The following TIMM23B variants were observed in gnomAD, a reference collection of about 807,000 sequenced individuals.
The protein encoded by TIMM23B is mitochondrial import inner membrane translocase subunit Tim23B.
A neutral mutation model predicts 27.3 loss-of-function variants in TIMM23B; 27 were observed. That is an observed-to-expected ratio of 0.99 (90% CI 0.73 to 1.36). TIMM23B has a LOEUF of 1.36. TIMM23B is among the 40% of genes most tolerant of loss of function. The pLI is 0.00. For synonymous variants in TIMM23B, 73 were observed against 92.4 expected (o/e 0.79, Z 1.21); for missense variants, 205 against 244.2 (o/e 0.84, Z 1.07).
intron 2 of TIMM23B, among the ~76,000 whole-genome samples, chr10:49,946,238 T>G (rs1379933791): frequency 5.6e-4 from 84 of 149,664 alleles, no homozygotes; most frequent in Admixed American, 1.7e-3. Flanking sequence ...GCCTGTTAAA[T>G]GCCATCTACA....
chr10:49,956,284 G>A (rs10909668), intron 5 of TIMM23B, among the ~76,000 whole-genome samples: 1 of 151,944 alleles, frequency 6.6e-6, no homozygotes, highest in Non-Finnish European at 1.5e-5. Flanking sequence ...AAAGTTTAAC[G>A]TTCATTCCAG....
intron 6 of TIMM23B, among the ~76,000 whole-genome samples, chr10:49,961,681 C>G (rs1356661267): frequency 9.2e-5 from 14 of 152,016 alleles, no homozygotes; most frequent in African/African-American, 3.1e-4. Context: ...CTCACTACAG[C>G]CTTGAACTCC....
intron 6 of TIMM23B, among the ~76,000 whole-genome samples, chr10:49,968,726 T>C (rs1253607911): frequency 6.6e-6 from 1 of 151,814 alleles, no homozygotes; most frequent in African/African-American, 2.4e-5. Flanking sequence ...TCCCAGCTAC[T>C]AGGGAGGCTG....
chr10:49,969,436 C>CA (rs533041097), intron 6 of TIMM23B, among the ~76,000 whole-genome samples: 831 of 74,554 alleles, frequency 0.011, 3 homozygotes, highest in East Asian at 0.036. Flanking sequence ...GACCCTGTGT[C>CA]AAAAAAAAAA....
intron 4 of TIMM23B, among the ~76,000 whole-genome samples, chr10:49,953,394 G>A (rs1839606460): frequency 1.3e-5 from 2 of 152,202 alleles, no homozygotes; most frequent in Admixed American, 1.3e-4. Context: ...TGCCCGAGCT[G>A]GAGTGCAATG....
intron 6 of TIMM23B, among the ~76,000 whole-genome samples, chr10:49,960,223 T>C (rs1309601730): frequency 6.6e-5 from 10 of 151,434 alleles, no homozygotes; most frequent in African/African-American, 1.9e-4. Context: ...TTTTTTTTTT[T>C]TTTCTTTTTC....
intron 1 of TIMM23B, among the ~76,000 whole-genome samples, chr10:49,943,563 T>C (rs1839240368): frequency 6.6e-6 from 1 of 151,886 alleles, no homozygotes; most frequent in Non-Finnish European, 1.5e-5. Flanking sequence ...TCTTAGTATT[T>C]CTGAGTTTCA....
chr10:49,946,011 G>A lies in TIMM23B; in HGVS notation c.165+921G>A, dbSNP rs1324144633. On this transcript the variant is annotated intron_variant, in intron 2 of 6. Transcript: ENST00000651259. ...TTGAGACCAGCCTGGCCAACATAGC[G>A]AAACGCTGTTTCTACTAAAAATACA... Among the ~76,000 whole-genome samples, 7 of 152,374 alleles carry A rather than the reference G, an allele frequency of 4.6e-5. No homozygotes were observed. The East Asian group carries it at 7.7e-4, about 17-fold the overall frequency.
Position 49,964,304 on chromosome 10 carries a change from G to A in TIMM23B, c.514+5824G>A, listed in dbSNP as rs183665928. On this transcript the variant is annotated intron_variant, in intron 6 of 6. Coordinates refer to ENST00000651259, the MANE Select transcript of TIMM23B (RefSeq NM_001290117.2). ...AGCCTGGGCAATAGAGCGCGTCTCCGTCTTGAAATGAAATGAAATAAATGA... is the reference window on the plus strand; with the variant it reads ...AGCCTGGGCAATAGAGCGCGTCTCCATCTTGAAATGAAATGAAATAAATGA... Among the ~76,000 whole-genome samples, 52 of 151,858 alleles carry A rather than the reference G, an allele frequency of 3.4e-4. No individual in the cohort carries two copies. The South Asian group carries it at 6.9e-3, about 20-fold the overall frequency.
At chr10:49,956,669 A>G (rs1839737042) in intron 5 of TIMM23B, among the ~76,000 whole-genome samples, 2 of 145,952 alleles carry the variant, frequency 1.4e-5, no homozygotes, top group Admixed American at 1.4e-4. Context: ...ATTAGTGAAA[A>G]TGATTCTTCT....
rs1190679834 is a variant in TIMM23B at position 49,955,016 on chromosome 10, T to G, written c.359T>G (p.Val120Gly). Residue 120 changes from valine to glycine, a missense_variant, in exon 5 of 7, where the codon GTG (valine) becomes GGG (glycine). Transcript: ENST00000651259. The part of the protein sequence containing the change: ...KPGNVQILNM[V>G]TRQGALWANT... The stretch of plus-strand genomic sequence containing the variant: ...TGCCCTGATAGGATTTTGAATATGG[T>G]GACTAGGCAAGGGGCACTTTGGGCT... 6.2e-7 allele frequency: 1 copy of G among 1,612,862 alleles called. No individual in the cohort carries two copies. Among genetic ancestry groups the G allele is most frequent in the Non-Finnish European group, 8.5e-7 (1 of 1,179,148 alleles).
In TIMM23B at chr10:49,955,075, C is replaced by T. The variant is rs1410194545; in HGVS notation, c.403+15C>T. 26 of 1,610,326 alleles carry T rather than the reference C, an allele frequency of 1.6e-5. No homozygotes were observed. The highest frequency in any genetic ancestry group is 1.3e-4 in the East Asian group (6 of 44,778). On this transcript the variant is annotated intron_variant, in intron 5 of 6. Coordinates refer to ENST00000651259, the MANE Select transcript of TIMM23B (RefSeq NM_001290117.2). ...AGGTTCTCTGGGTAAGTAGAGATCT[C>T]GTTTGATAATAAATTGTTAACTTAA...
At chr10:49,966,222 T>G (rs1840151671) in intron 6 of TIMM23B, among the ~76,000 whole-genome samples, 1 of 150,356 alleles carries the variant, frequency 6.7e-6, no homozygotes. Context: ...AATAATGAAA[T>G]GCCAGGTGCG....
intron 6 of TIMM23B, among the ~76,000 whole-genome samples, chr10:49,968,605 C>T (rs1840275174): frequency 6.6e-6 from 1 of 152,124 alleles, no homozygotes; most frequent in South Asian, 2.1e-4. Flanking sequence ...GAGTCCAAGG[C>T]GGGAGGATCA....
chr10:49,956,826 C>T (rs1450027284), intron 5 of TIMM23B, among the ~76,000 whole-genome samples: 1 of 147,212 alleles, frequency 6.8e-6, no homozygotes, highest in Non-Finnish European at 1.5e-5. Flanking sequence ...CCATGTATAT[C>T]TTTGGATAAA....
chr10:49,960,971 G>A (rs1283965431), intron 6 of TIMM23B, among the ~76,000 whole-genome samples: 2 of 150,062 alleles, frequency 1.3e-5, no homozygotes, highest in Non-Finnish European at 3.0e-5. Flanking sequence ...TTATCTCTGA[G>A]GAAGATTAAG....
chr10:49,955,350 C>A (rs1839680346), intron 5 of TIMM23B, among the ~76,000 whole-genome samples: 6 of 152,140 alleles, frequency 3.9e-5, no homozygotes, highest in African/African-American at 1.4e-4. Context: ...TAAATGAAAT[C>A]CAGATAATTT....
Position 49,950,936 on chromosome 10 carries a change from ATTTACCT to A in TIMM23B, c.166-1188_166-1182del, listed in dbSNP as rs2133061153. On this transcript the variant is annotated intron_variant, in intron 2 of 6. Transcript: ENST00000651259. ...CATGGCCTGAGACTGAAGAATAATTATTTACCTTACCACATTGAATCTAGCATTTCTA... is the reference window on the plus strand; with the variant it reads ...CATGGCCTGAGACTGAAGAATAATTATACCACATTGAATCTAGCATTTCTA... 2.6e-5 allele frequency among the ~76,000 whole-genome samples: 4 copies of A among 152,264 alleles called. No homozygotes were observed. In the East Asian group the frequency reaches 7.7e-4, roughly 29 times the overall value.
In TIMM23B at chr10:49,973,143, G is replaced by A; in HGVS notation, c.*79G>A. 8.8e-7 allele frequency: 1 copy of A among 1,136,222 alleles called. No individual in the cohort carries two copies. The highest frequency in any genetic ancestry group is 1.3e-6 in the Non-Finnish European group (1 of 787,924). The allele number at this position is 1,136,222 out of a possible 1,614,324, so 70.4% of individuals were successfully genotyped here. ...CTACACAAAAGGCAGCAAAGTATTA[G>A]TAAGTGTACCTCTGACATTTTAACC... On this transcript the variant is annotated 3_prime_UTR_variant, in exon 7 of 7. Coordinates refer to ENST00000651259, the MANE Select transcript of TIMM23B (RefSeq NM_001290117.2).
Sources: gnomAD v4.1 joint callset for allele counts (sites outside exome capture counted in the v4.1 genomes callset) on GRCh38, gnomAD v4.1.1 for gene constraint, MANE v1.5 for transcripts, NCBI Gene and HGNC (gene_info 2026-07-23, HGNC 2026-07-21) for gene names.